Variants in ATP9B observed in about 807,000 individuals in gnomAD.
The protein encoded by ATP9B is ATPase phospholipid transporting 9B.
Under a neutral mutation model 146.1 loss-of-function variants are expected in ATP9B, and 110 were observed. That is an observed-to-expected ratio of 0.75 (90% CI 0.65 to 0.88). The LOEUF (loss-of-function observed/expected upper bound fraction) is 0.88. Ranked by LOEUF, ATP9B falls within the 40% of genes least tolerant of loss-of-function variation. The pLI is 0.00. For missense variants in ATP9B, 1,499 were observed against 1,496.4 expected, an observed-to-expected ratio of 1.00 and a Z score of -0.03; for synonymous variants, 604 against 569.7, an observed-to-expected ratio of 1.06 and a Z score of -0.86.
At chr18:79,152,547 G>A (rs1368846180) in intron 6 of ATP9B, among the ~76,000 whole-genome samples, 1 of 152,084 alleles carries the variant, frequency 6.6e-6, no homozygotes, top group African/African-American at 2.4e-5. Context: ...GACAATTTTT[G>A]TTGATGGTCT....
chr18:79,311,052 T>C (rs9967248), intron 15 of ATP9B, among the ~76,000 whole-genome samples: 12 of 151,790 alleles, frequency 7.9e-5, no homozygotes, highest in Non-Finnish European at 1.6e-4. Flanking sequence ...CTTGGAAGAC[T>C]GAGACAGGAG....
intron 5 of ATP9B, among the ~76,000 whole-genome samples, chr18:79,129,735 C>T (rs973835440): frequency 1.3e-5 from 2 of 151,838 alleles, no homozygotes; most frequent in African/African-American, 4.8e-5. Context: ...AATGTATGTC[C>T]AGTTTTCTTT....
chr18:79,224,017 G>C (rs1256979855), intron 11 of ATP9B, among the ~76,000 whole-genome samples: 1 of 152,074 alleles, frequency 6.6e-6, no homozygotes, highest in Non-Finnish European at 1.5e-5. Context: ...AAAAGACTTA[G>C]TTAGCTTTAC....
At chr18:79,200,758 G>GGGACTGTCGGGGTCA (rs2095473127) in intron 9 of ATP9B, among the ~76,000 whole-genome samples, 6 of 152,246 alleles carry the variant, frequency 3.9e-5, no homozygotes, top group East Asian at 1.9e-4. Context: ...GGTGGAGGTG[G>GGGACTGTCGGGGTCA]GAACGTTGGG....
chr18:79,184,856 T>C (rs935864535), intron 8 of ATP9B, among the ~76,000 whole-genome samples: 1 of 152,026 alleles, frequency 6.6e-6, no homozygotes, highest in African/African-American at 2.4e-5. Flanking sequence ...AATTCTAGGG[T>C]CCCTGGCAGT....
intron 11 of ATP9B, among the ~76,000 whole-genome samples, chr18:79,250,704 G>A (rs560576541): frequency 2.6e-5 from 4 of 152,190 alleles, no homozygotes; most frequent in Non-Finnish European, 5.9e-5. Flanking sequence ...TAAATCAGCC[G>A]CTGTGGTCTT....
chr18:79,345,815 CTG>C lies in ATP9B; in HGVS notation c.2661_2662del (p.Cys887TrpfsTer5), dbSNP rs1490151716. On this transcript the variant is annotated frameshift_variant, in exon 23 of 30. Coordinates refer to ENST00000426216, the MANE Select transcript of ATP9B (RefSeq NM_198531.5). LOFTEE classifies it high-confidence loss of function. ...NDVSMIQAAD[C>X]GIGIEGKEGK... is the part of the protein sequence containing the mutation. ...ATGTCAGCATGATTCAGGCAGCAGACTGTGGGATTGGGATTGAGGGAAAGGTA... is the reference window on the plus strand; with the variant it reads ...ATGTCAGCATGATTCAGGCAGCAGACTGGGATTGGGATTGAGGGAAAGGTA... The C allele has an allele frequency of 6.2e-7, 1 of 1,614,248 alleles. No homozygotes were observed. The highest frequency in any genetic ancestry group is 8.5e-7 in the Non-Finnish European group (1 of 1,180,048).
At position 79,223,081 on chromosome 18, in the gene ATP9B, A is replaced by T. The variant is rs112354952; in HGVS notation, c.1107+9043A>T. Among the ~76,000 whole-genome samples, 929 of 152,304 alleles carry T rather than the reference A, an allele frequency of 6.1e-3. 8 individuals are homozygous for T. The highest frequency in any genetic ancestry group is 0.021 in the African/African-American group (855 of 41,566). ...ATTGATTTGTGTATCTAATAAAAAG[A>T]TGCTTTCAGATGTCTCATTGGCAGA... On this transcript the variant is annotated intron_variant, in intron 11 of 29. Coordinates refer to ENST00000426216, the MANE Select transcript of ATP9B (RefSeq NM_198531.5).
At chr18:79,074,192 C>T (rs1039129083) in intron 1 of ATP9B, among the ~76,000 whole-genome samples, 37 of 152,040 alleles carry the variant, frequency 2.4e-4, no homozygotes, top group African/African-American at 8.0e-4. Flanking sequence ...GTTGGTGCTG[C>T]GTGAGAGGGA....
At chr18:79,142,847 A>C (rs953442354) in intron 5 of ATP9B, among the ~76,000 whole-genome samples, 19 of 152,236 alleles carry the variant, frequency 1.2e-4, no homozygotes, top group Non-Finnish European at 7.3e-5. Context: ...GGTATTTGGG[A>C]AATACGATCT....
At chr18:79,366,838 G>A (rs373004184) in intron 26 of ATP9B, among the ~76,000 whole-genome samples, 3 of 152,236 alleles carry the variant, frequency 2.0e-5, no homozygotes, top group African/African-American at 7.2e-5. Context: ...GAAACTTCTT[G>A]TGGAGCAAAA....
chr18:79,092,229 T>C (rs1599468269), intron 1 of ATP9B, among the ~76,000 whole-genome samples: 1 of 152,330 alleles, frequency 6.6e-6, no homozygotes, highest in Admixed American at 6.5e-5. Context: ...GCAGCCATCC[T>C]AGAGTGTACT....
At chr18:79,369,181 G>A (rs940263704) in intron 26 of ATP9B, among the ~76,000 whole-genome samples, 8 of 152,094 alleles carry the variant, frequency 5.3e-5, no homozygotes, top group Non-Finnish European at 1.0e-4. Context: ...GGCGGGTCAC[G>A]AGGTCAGGAG....
intron 26 of ATP9B, chr18:79,363,893 G>T (rs1178515270): frequency 6.6e-6 from 1 of 151,918 alleles, no homozygotes. Context: ...GAGAGCCTCA[G>T]TATTGCTTCA....
intron 8 of ATP9B, among the ~76,000 whole-genome samples, chr18:79,189,788 T>G (rs778962731): frequency 9.2e-5 from 14 of 152,314 alleles, no homozygotes; most frequent in Admixed American, 3.9e-4. Context: ...GCAGCTCAGT[T>G]TTTTCTTGTA....
intron 7 of ATP9B, among the ~76,000 whole-genome samples, chr18:79,162,159 G>A (rs4493134): frequency 0.56 from 85,390 of 152,014 alleles, 25,667 homozygotes; most frequent in African/African-American, 0.79. Flanking sequence ...TAAATCTTAG[G>A]TATGATGGAA....
At chr18:79,119,824 G>C (rs2094157545) in intron 4 of ATP9B, among the ~76,000 whole-genome samples, 1 of 152,134 alleles carries the variant, frequency 6.6e-6, no homozygotes. Flanking sequence ...ACCTTTGATT[G>C]AGCAAACCTC....
At chr18:79,233,098 C>T (rs1288012338) in intron 11 of ATP9B, among the ~76,000 whole-genome samples, 2 of 152,070 alleles carry the variant, frequency 1.3e-5, no homozygotes, top group African/African-American at 4.8e-5. Context: ...TCAAGACCAG[C>T]CTGGGCAGCG....
intron 13 of ATP9B, among the ~76,000 whole-genome samples, chr18:79,296,556 A>G (rs1258332420): frequency 2.6e-5 from 4 of 152,246 alleles, no homozygotes; most frequent in African/African-American, 9.6e-5. Flanking sequence ...AACTAAATAT[A>G]GAAGGTATCT....
Sources: gnomAD v4.1 joint callset for allele counts (sites outside exome capture counted in the v4.1 genomes callset) on GRCh38, gnomAD v4.1.1 for gene constraint, MANE v1.5 for transcripts, NCBI Gene and HGNC (gene_info 2026-07-23, HGNC 2026-07-21) for gene names.